Variants in GJB2 observed in about 807,000 individuals in gnomAD.
GJB2 encodes gap junction beta-2 protein.
In GJB2, 30 loss-of-function variants were observed where a neutral mutation model predicts 16.0. The ratio of observed to expected loss-of-function variants is 1.88; its 90% CI spans 1.41 to 2.55. GJB2 has a LOEUF of 2.55. Among genes scored for constraint, GJB2 ranks in the 30% most tolerant of loss-of-function variants. GJB2 has a pLI of 0.00. For missense variants in GJB2, 284 were observed against 289.7 expected (o/e 0.98, Z 0.14); for synonymous variants, 123 against 119.1 (o/e 1.03, Z -0.21).
At chr13:20,191,998 A>G (rs1414776346) in intron 1 of GJB2, among the ~76,000 whole-genome samples, 3 of 152,202 alleles carry the variant, frequency 2.0e-5, no homozygotes, top group South Asian at 2.1e-4. Flanking sequence ...ATGGCCACGG[A>G]ACCCAGCTCT....
intron 1 of GJB2, chr13:20,189,893 C>A (rs1190578238): frequency 1.2e-5 from 5 of 434,660 alleles, no homozygotes; most frequent in Non-Finnish European, 2.1e-5. Flanking sequence ...ATTTGCTGTG[C>A]TGGGGAGTGT....
Position 20,187,871 on chromosome 13 carries a change from C to CAGAA in GJB2, c.*1026_*1029dup, listed in dbSNP as rs1388616726. 6.6e-6 allele frequency: 1 copy of CAGAA among 152,190 alleles called. No homozygotes were observed. The highest frequency in any genetic ancestry group is 1.5e-5 in the Non-Finnish European group (1 of 68,024). The allele number at this position is 152,190 out of a possible 1,614,324, so 9.4% of individuals were successfully genotyped here. A position where few individuals can be genotyped will look rare whatever the true frequency, so the allele number is the denominator to read the frequency against. Reference sequence around the variant, plus strand: ...GTCTTTCCAAATCTGTTTTTAACGACAGAAACTTCTCCCTCCCCTGCCCCA... The same window carrying CAGAA: ...GTCTTTCCAAATCTGTTTTTAACGACAGAAAGAAACTTCTCCCTCCCCTGCCCCA... On this transcript the variant is annotated 3_prime_UTR_variant, in exon 2 of 2. Coordinates refer to ENST00000382848, the MANE Select transcript of GJB2 (RefSeq NM_004004.6).
Position 20,189,072 on chromosome 13 carries a change from G to A in GJB2, c.510C>T (p.Asn170=), listed in dbSNP as rs763068053. 2.4e-5 allele frequency: 38 copies of A among 1,613,924 alleles called. No homozygotes were observed. Among genetic ancestry groups the A allele is most frequent in the African/African-American group, 6.7e-5 (5 of 74,924 alleles). ...CCACAGTGTTGGGACAAGGCCAGGC[G>A]TTGCACTTCACCAGCCGCTGCATGG... ...GFSMQRLVKC[N]AWPCPNTVDC... The change falls in exon 2 of 2, where the codon AAC becomes AAT. Residue 170 remains asparagine, a synonymous_variant. Transcript: ENST00000382848.
Position 20,192,325 on chromosome 13 carries a change from G to A in GJB2, c.-23+458C>T, listed in dbSNP as rs561264158. ...GATTTTTCTGCAGAAGCCGCTCCAAGAGGTAAAGGTCAGTTCCTGCAGCGA... is the reference window on the plus strand; with the variant it reads ...GATTTTTCTGCAGAAGCCGCTCCAAAAGGTAAAGGTCAGTTCCTGCAGCGA... On this transcript the variant is annotated intron_variant, in intron 1 of 1. Coordinates refer to ENST00000382848, the MANE Select transcript of GJB2 (RefSeq NM_004004.6). 5.3e-5 allele frequency among the ~76,000 whole-genome samples: 8 copies of A among 152,350 alleles called. 1 individual carries two copies. In the South Asian group the frequency reaches 1.7e-3, roughly 32 times the overall value.
intron 1 of GJB2, 50 bp downstream of exon 1, chr13:20,192,733 C>T: frequency 6.6e-6 from 1 of 152,386 alleles, no homozygotes; most frequent in Non-Finnish European, 1.5e-5. Context: ...TCTCGCGGTC[C>T]CTCCCCGCGC....
chr13:20,188,501 C>T lies in GJB2; in HGVS notation c.*400G>A, dbSNP rs186159183. The stretch of plus-strand genomic sequence containing the variant: ...ACGTGGGGAAAGTTGGCAAAAAGAA[C>T]CCCAGGAGGACACCCAAACCTTCTC... On this transcript the variant is annotated 3_prime_UTR_variant, in exon 2 of 2. Coordinates refer to ENST00000382848, the MANE Select transcript of GJB2 (RefSeq NM_004004.6). 4 of 182,346 alleles carry T rather than the reference C, an allele frequency of 2.2e-5. No individual in the cohort carries two copies. In the East Asian group the frequency reaches 6.0e-4, roughly 27 times the overall value. 11.3% of individuals were successfully genotyped at this position (182,346 alleles called of 1,614,324 possible).
At chr13:20,192,679 C>T (rs959239769) in intron 1 of GJB2, 104 bp downstream of exon 1, 1 of 152,226 alleles carries the variant, frequency 6.6e-6, no homozygotes, top group Non-Finnish European at 1.5e-5. Flanking sequence ...TTGGTCCAGC[C>T]CCCCGGTTCC....
At chr13:20,192,507 C>T (rs1202115768) in intron 1 of GJB2, among the ~76,000 whole-genome samples, 2 of 152,180 alleles carry the variant, frequency 1.3e-5, no homozygotes, top group Non-Finnish European at 2.9e-5. Context: ...GCTGGCGGCT[C>T]GCCCGCGCCT....
chr13:20,189,851 T>G (rs1412822096), intron 1 of GJB2: 1 of 537,754 alleles, frequency 1.9e-6, no homozygotes, highest in African/African-American at 1.9e-5. Flanking sequence ...TTCACCTGAG[T>G]AATTCACCCA....
At position 20,188,896 on chromosome 13, in the gene GJB2, A is replaced by C; in HGVS notation, c.*5T>G. 6.2e-7 allele frequency: 1 copy of C among 1,609,310 alleles called. No homozygotes were observed. Among genetic ancestry groups the C allele is most frequent in the Non-Finnish European group, 8.5e-7 (1 of 1,176,520 alleles). ...TATTTCTTAATCTAACAACTGGGCA[A>C]TGCGTTAAACTGGCTTTTTTGACTT... On this transcript the variant is annotated 3_prime_UTR_variant, in exon 2 of 2. Coordinates refer to ENST00000382848, the MANE Select transcript of GJB2 (RefSeq NM_004004.6).
rs72474224 is a variant in GJB2 at position 20,189,473 on chromosome 13, C to T, written c.109G>A (p.Val37Ile). ...CCCCACACCTCCTTTGCAGCCACAA[C>T]GAGGATCATAATGCGAAAAATGAAG... is the stretch of plus-strand genomic sequence containing the variant. ...VLFIFRIMILVVAAKEVWGDE... is the reference protein window; with the variant it reads ...VLFIFRIMILIVAAKEVWGDE... The change falls in exon 2 of 2, where the codon GTT (valine) becomes ATT (isoleucine). Residue 37 changes from valine (V) to isoleucine (I), a missense_variant. Physicochemically the swap from Val to Ile is conservative, Grantham distance 29. Transcript: ENST00000382848. The T allele has an allele frequency of 2.5e-3, 4,071 of 1,613,686 alleles. 101 individuals are homozygous for T. In the East Asian group the frequency reaches 0.045, roughly 18 times the overall value.
rs1027416752 is a variant in GJB2 at position 20,187,765 on chromosome 13, A to C, written c.*1136T>G. On this transcript the variant is annotated 3_prime_UTR_variant, in exon 2 of 2. Coordinates refer to ENST00000382848, the MANE Select transcript of GJB2 (RefSeq NM_004004.6). ...TGTTATTAGCTATATTTTCACTTAA[A>C]AAATTGGAGGCTGAAGGGGTAAGCA... 6 of 152,358 alleles carry C rather than the reference A, an allele frequency of 3.9e-5. No homozygotes were observed. The highest frequency in any genetic ancestry group is 1.4e-4 in the African/African-American group (6 of 41,588). The allele number at this position is 152,358 out of a possible 1,614,324, so 9.4% of individuals were successfully genotyped here.
chr13:20,192,463 C>A (rs1361190874), intron 1 of GJB2, among the ~76,000 whole-genome samples: 1 of 152,186 alleles, frequency 6.6e-6, no homozygotes, highest in Non-Finnish European at 1.5e-5. Flanking sequence ...GCTAGAGTAC[C>A]CCGAAGGGAC....
rs1448600186 is a variant in GJB2 at position 20,192,911 on chromosome 13, G to C, written c.-151C>G. On this transcript the variant is annotated 5_prime_UTR_variant, in exon 1 of 2. Coordinates refer to ENST00000382848, the MANE Select transcript of GJB2 (RefSeq NM_004004.6). The stretch of plus-strand genomic sequence containing the variant: ...CCGAGGGGCTCCGAGTCGGGGAGAG[G>C]AGCGCGCGGGCGCTGCGGGGCCGCA... The C allele has an allele frequency of 6.5e-6, 1 of 152,802 alleles. No homozygotes were observed. The highest frequency in any genetic ancestry group is 1.5e-5 in the Non-Finnish European group (1 of 68,490). The allele number at this position is 152,802 out of a possible 1,614,324, so 9.5% of individuals were successfully genotyped here. A position where few individuals can be genotyped will look rare whatever the true frequency, so the allele number is the denominator to read the frequency against.
At position 20,188,143 on chromosome 13, in the gene GJB2, C is replaced by A. The variant is rs111732260; in HGVS notation, c.*758G>T. 1 of 152,238 alleles carries A rather than the reference C, an allele frequency of 6.6e-6. No homozygotes were observed. Among genetic ancestry groups the A allele is most frequent in the Non-Finnish European group, 1.5e-5 (1 of 68,052 alleles). The allele number at this position is 152,238 out of a possible 1,614,324, so 9.4% of individuals were successfully genotyped here. A position where few individuals can be genotyped will look rare whatever the true frequency, so the allele number is the denominator to read the frequency against. ...CACTAGGAACTTCTAGTCTGTCTCA[C>A]TCGATTGAGGCTACAATGTTGTTAG... is the stretch of plus-strand genomic sequence containing the variant. On this transcript the variant is annotated 3_prime_UTR_variant, in exon 2 of 2. Coordinates refer to ENST00000382848, the MANE Select transcript of GJB2 (RefSeq NM_004004.6).
At chr13:20,192,695 A>T (rs1301922774) in intron 1 of GJB2, 88 bp downstream of exon 1, 3 of 152,084 alleles carry the variant, frequency 2.0e-5, no homozygotes, top group African/African-American at 7.2e-5. Context: ...GTTCCCCGAG[A>T]CCCACGCGGC....
At chr13:20,191,562 G>A (rs1959076671) in intron 1 of GJB2, among the ~76,000 whole-genome samples, 1 of 152,200 alleles carries the variant, frequency 6.6e-6, no homozygotes, top group South Asian at 2.1e-4. Flanking sequence ...AATGGGCTAG[G>A]GGGTCATGGG....
chr13:20,190,058 G>A (rs1323492538), intron 1 of GJB2, among the ~76,000 whole-genome samples: 1 of 152,182 alleles, frequency 6.6e-6, no homozygotes, highest in Non-Finnish European at 1.5e-5. Context: ...TGTACCACTG[G>A]GGCCGATACT....
intron 1 of GJB2, among the ~76,000 whole-genome samples, chr13:20,191,411 T>C (rs547880689): frequency 6.6e-6 from 1 of 152,328 alleles, no homozygotes; most frequent in East Asian, 1.9e-4. Flanking sequence ...TACACCCTTC[T>C]ACAGACCTGT....
Sources: allele counts gnomAD v4.1 joint callset (sites outside exome capture counted in the v4.1 genomes callset), GRCh38; gene constraint gnomAD v4.1.1; transcripts MANE v1.5; gene names NCBI Gene and HGNC (gene_info 2026-07-23, HGNC 2026-07-21).